The following GDPD2 variants were observed in gnomAD, a reference collection of about 807,000 sequenced individuals.
GDPD2 encodes glycerophosphodiester phosphodiesterase domain containing 2, also known as glycerophosphodiester phosphodiesterase 3.
Under a neutral mutation model 49.2 loss-of-function variants are expected in GDPD2, and 23 were observed. That is an observed-to-expected ratio of 0.47 (90% CI 0.34 to 0.66). GDPD2 has a LOEUF of 0.66. GDPD2 is among the 30% of genes least tolerant of loss of function. GDPD2 has a pLI of 0.01. For synonymous variants in GDPD2, 167 were observed against 171.4 expected, an observed-to-expected ratio of 0.97 and a Z score of 0.20; for missense variants, 338 against 424.7, an observed-to-expected ratio of 0.80 and a Z score of 1.79.
At chrX:70,428,092 T>TAC (rs10578514) in intron 10 of GDPD2, among the ~76,000 whole-genome samples, 1,151 of 106,214 alleles carry the variant, frequency 0.011, 9 homozygotes, top group South Asian at 0.05. Context: ...AACAGTTGGA[T>TAC]ACACACACAC....
chrX:70,427,757 G>A, intron 10 of GDPD2: 1 of 227,464 alleles, frequency 4.4e-6, no homozygotes. Flanking sequence ...TCAGAGGGAA[G>A]AGGACACGTA....
At chrX:70,431,401 A>T (rs1030640317) in intron 12 of GDPD2, among the ~76,000 whole-genome samples, 25 of 113,008 alleles carry the variant, frequency 2.2e-4, no homozygotes, top group African/African-American at 7.4e-4. Flanking sequence ...TCAGTTGCAC[A>T]AAGACCAGAG....
intron 2 of GDPD2, 71 bp downstream of exon 2, chrX:70,425,160 A>G (rs1207662696): frequency 1.3e-6 from 1 of 779,571 alleles, no homozygotes; most frequent in Non-Finnish European, 1.9e-6. Context: ...TAAGGAGGCC[A>G]ATTGTGCTCA....
chrX:70,429,014 T>C (rs1269200604), intron 10 of GDPD2, among the ~76,000 whole-genome samples: 1 of 111,771 alleles, frequency 8.9e-6, no homozygotes, highest in East Asian at 2.8e-4. Flanking sequence ...ACAGCCCACA[T>C]TGTGTACTCT....
At chrX:70,432,828 G>A (rs2147757925) in intron 14 of GDPD2, 84 bp from the exon 15 acceptor site, 1 of 813,894 alleles carries the variant, frequency 1.2e-6, no homozygotes, top group Non-Finnish European at 1.9e-6. Flanking sequence ...TGTAGGAAAG[G>A]CAGTTGGGGG....
intron 11 of GDPD2, 65 bp from the exon 12 acceptor site, chrX:70,429,850 C>T: frequency 1.7e-6 from 2 of 1,166,777 alleles, no homozygotes; most frequent in Non-Finnish European, 2.3e-6. Flanking sequence ...ACTGTTTGCC[C>T]CTGTCCCTGC....
intron 5 of GDPD2, 115 bp downstream of exon 5, chrX:70,426,226 G>T (rs1020062014): frequency 1.3e-5 from 10 of 797,454 alleles, no homozygotes; most frequent in Non-Finnish European, 1.9e-5. Flanking sequence ...AGGACCTGAA[G>T]CCCAGTAAGT....
intron 10 of GDPD2, among the ~76,000 whole-genome samples, chrX:70,428,445 T>A (rs994310003): frequency 7.1e-5 from 8 of 112,016 alleles, no homozygotes; most frequent in African/African-American, 2.6e-4. Flanking sequence ...TTAAAATGGG[T>A]TTATCAAGAC....
At position 70,426,681 on chromosome X, in the gene GDPD2, G is replaced by A. The variant is rs774392762; in HGVS notation, c.496G>A (p.Ala166Thr). 9 of 1,207,193 alleles carry A rather than the reference G, an allele frequency of 7.5e-6. No individual in the cohort carries two copies. The highest frequency in any genetic ancestry group is 2.2e-5 in the Admixed American group (1 of 45,796). ...CCCATTCCTTCATATTGGAGCAGCC[G>A]CTGGAATTGCCCTCCTGGCCTGGCC... ...TAPFLHIGAA[A>T]GIALLAWPVA... Residue 166 changes from alanine (A) to threonine (T), a missense_variant, in exon 7 of 16, where the codon GCT becomes ACT. Physicochemically the swap from Ala to Thr is moderately conservative, Grantham distance 58. Coordinates refer to ENST00000374382, the MANE Select transcript of GDPD2 (RefSeq NM_017711.4).
intron 12 of GDPD2, among the ~76,000 whole-genome samples, chrX:70,432,082 G>A (rs2086482503): frequency 8.9e-6 from 1 of 112,003 alleles, no homozygotes; most frequent in Non-Finnish European, 1.9e-5. Flanking sequence ...GAGACACATT[G>A]TGTGGCCCCA....
chrX:70,430,061 C>G lies in GDPD2; in HGVS notation c.1305C>G (p.Ile435Met). The G allele has an allele frequency of 8.3e-7, 1 of 1,202,879 alleles. No homozygotes were observed. Among genetic ancestry groups the G allele is most frequent in the Admixed American group, 2.2e-5 (1 of 45,681 alleles). ...ATCAAGATCTGCCACTATTGGATAT[C>G]AAGTGAGTGCTAGAGGAAAGGAACC... ...LPYQDLPLLD[I>M]KALHKDNVSV... Residue 435 changes from isoleucine to methionine, a missense_variant and splice_region_variant, in exon 12 of 16, where the codon ATC becomes ATG. This residue lies in a region of GDPD2 where 253 missense variants were observed against 330.4 expected (regional missense o/e 0.77). Transcript: ENST00000374382.
At chrX:70,428,391 G>A (rs2086446193) in intron 10 of GDPD2, among the ~76,000 whole-genome samples, 1 of 111,744 alleles carries the variant, frequency 8.9e-6, no homozygotes, top group Non-Finnish European at 1.9e-5. Context: ...ATATTCAGTA[G>A]GTTAGGTATA....
At position 70,433,309 on chromosome X, in the gene GDPD2, A is replaced by T. The variant is rs1050786007; in HGVS notation, c.*223A>T. The T allele has an allele frequency of 1.4e-5, 6 of 424,708 alleles. No individual in the cohort carries two copies. The highest frequency in any genetic ancestry group is 2.0e-5 in the Non-Finnish European group (5 of 244,172). The allele number at this position is 424,708 out of a possible 1,213,427, so 35.0% of individuals were successfully genotyped here. On this transcript the variant is annotated 3_prime_UTR_variant, in exon 16 of 16. Coordinates refer to ENST00000374382, the MANE Select transcript of GDPD2 (RefSeq NM_017711.4). ...GGGGTTTTGACCTGAGATGTTTGGG[A>T]AGAGAGTGAGTAATGAGAAGTTTCT...
At chrX:70,425,989 C>T in intron 4 of GDPD2, 63 bp from the exon 5 acceptor site, 1 of 1,011,881 alleles carries the variant, frequency 9.9e-7, no homozygotes, top group Non-Finnish European at 1.4e-6. Context: ...GCCTGGGAAG[C>T]CCACCTCAGT....
At chrX:70,428,092 TAC>T (rs10578514) in intron 10 of GDPD2, among the ~76,000 whole-genome samples, 1,893 of 106,144 alleles carry the variant, frequency 0.018, 40 homozygotes, top group African/African-American at 0.061. Context: ...AACAGTTGGA[TAC>T]ACACACACAC....
At chrX:70,423,526 G>C (rs1201372889) in intron 1 of GDPD2, 144 bp downstream of exon 1, 2 of 111,888 alleles carry the variant, frequency 1.8e-5, no homozygotes, top group Non-Finnish European at 1.9e-5. Context: ...CTCAGACCCT[G>C]ATCCCATCCT....
Position 70,426,655 on chromosome X carries a change from C to T in GDPD2, c.470C>T (p.Ala157Val). 8.3e-7 allele frequency: 1 copy of T among 1,203,277 alleles called. No individual in the cohort carries two copies. Among genetic ancestry groups the T allele is most frequent in the Non-Finnish European group, 1.1e-6 (1 of 888,837 alleles). Reference sequence around the variant, plus strand: ...ACCAGCTCTTGTCCACAGGCCACAGCCCCATTCCTTCATATTGGAGCAGCC... The same window carrying T: ...ACCAGCTCTTGTCCACAGGCCACAGTCCCATTCCTTCATATTGGAGCAGCC... The part of the protein sequence containing the change: ...HSLRVSLQAT[A>V]PFLHIGAAAG... Residue 157 changes from alanine (A) to valine (V), a missense_variant, in exon 7 of 16, where the codon GCC (alanine) becomes GTC (valine). Physicochemically the swap from Ala to Val is moderately conservative, Grantham distance 64. Around this residue, in one of 3 missense-constraint regions of GDPD2, gnomAD observed 253 missense variants for 330.4 expected, o/e 0.77. Coordinates refer to ENST00000374382, the MANE Select transcript of GDPD2 (RefSeq NM_017711.4).
chrX:70,425,237 GC>G (rs778097002), intron 2 of GDPD2, 116 bp from the exon 3 acceptor site: 5 of 657,057 alleles, frequency 7.6e-6, no homozygotes, highest in Non-Finnish European at 1.2e-5. Context: ...GGAAAGAGCT[GC>G]CCCCCGAGCA....
chrX:70,429,452 G>T (rs1337383255), intron 10 of GDPD2, 41 bp from the exon 11 acceptor site: 1 of 896,577 alleles, frequency 1.1e-6, no homozygotes, highest in African/African-American at 1.9e-5. Flanking sequence ...GCAAGGCCTG[G>T]AAGCCTCTTC....
Sources: gnomAD v4.1 joint callset for allele counts (sites outside exome capture counted in the v4.1 genomes callset) on GRCh38, gnomAD v4.1.1 for gene constraint, gnomAD v4.1.1 regional missense constraint, MANE v1.5 for transcripts, NCBI Gene and HGNC (gene_info 2026-07-23, HGNC 2026-07-21) for gene names.